TMEM192: variants seen among roughly 807,000 people sequenced by gnomAD.
TMEM192 encodes the protein transmembrane protein 192.
Under a neutral mutation model 26.7 loss-of-function variants are expected in TMEM192, and 20 were observed. The observed-to-expected ratio is 0.75, with a 90% CI of 0.53 to 1.09. The LOEUF is 1.09. Ranked by LOEUF, TMEM192 falls within the 50% of genes least tolerant of loss-of-function variation. The pLI, the probability that TMEM192 is intolerant of heterozygous loss-of-function variation, is 0.00. For synonymous variants in TMEM192, 124 were observed against 121.0 expected (o/e 1.02, Z -0.16); for missense variants, 304 against 322.6 (o/e 0.94, Z 0.44).
At chr4:165,098,271 C>T (rs1734959813) in intron 3 of TMEM192, among the ~76,000 whole-genome samples, 1 of 151,764 alleles carries the variant, frequency 6.6e-6, no homozygotes, top group Non-Finnish European at 1.5e-5. Context: ...ATTACAGTTG[C>T]CCGCCACCAC....
In TMEM192 at chr4:165,077,956, G is replaced by C. The variant is rs1734428228; in HGVS notation, c.*1702C>G. ...CTTTTTTTTTTTTTTTTGAGAGACA[G>C]TGTCTCATTGTTGCCCAGGCTGGTC... On this transcript the variant is annotated 3_prime_UTR_variant, in exon 6 of 6. Transcript: ENST00000306480. 1 of 147,942 alleles carries C rather than the reference G, an allele frequency of 6.8e-6. No homozygotes were observed. The highest frequency in any genetic ancestry group is 1.5e-5 in the Non-Finnish European group (1 of 67,208). The allele number at this position is 147,942 out of a possible 1,614,324, so 9.2% of individuals were successfully genotyped here. A position where few individuals can be genotyped will look rare whatever the true frequency, so the allele number is the denominator to read the frequency against.
rs1381135970 is a variant in TMEM192 at position 165,100,865 on chromosome 4, T to C, written c.202A>G (p.Thr68Ala). ...HLVFVVLAFL[T>A]GVLCSYPNPN... ...TTAGGATAAGAACAAAGCACACCTG[T>C]TAAAAATGCTAAAACAACAAACACG... The change falls in exon 3 of 6, where the codon ACA (threonine) becomes GCA (alanine). Residue 68 changes from threonine (T) to alanine (A), a missense_variant. Thr to Ala is a moderately conservative substitution (Grantham distance 58). Coordinates refer to ENST00000306480, the MANE Select transcript of TMEM192 (RefSeq NM_001100389.2). 1.2e-5 allele frequency: 19 copies of C among 1,612,568 alleles called. No individual in the cohort carries two copies. The highest frequency in any genetic ancestry group is 1.6e-5 in the Non-Finnish European group (19 of 1,179,638).
intron 4 of TMEM192, 97 bp from the exon 5 acceptor site, chr4:165,085,785 T>C: frequency 2.4e-6 from 2 of 848,376 alleles, no homozygotes; most frequent in South Asian, 1.7e-5. Context: ...TTAACGTCCT[T>C]GAGTATTTCA....
At position 165,100,883 on chromosome 4, in the gene TMEM192, C is replaced by G; in HGVS notation, c.184G>C (p.Val62Leu). 2 of 1,607,116 alleles carry G rather than the reference C, an allele frequency of 1.2e-6. No individual in the cohort carries two copies. The highest frequency in any genetic ancestry group is 1.7e-6 in the Non-Finnish European group (2 of 1,177,276). ...NLLWFIHLVF[V>L]VLAFLTGVLC... ...ACACCTGTTAAAAATGCTAAAACAA[C>G]AAACACGAGCTGGGGGAAAGGAGAG... is the stretch of plus-strand genomic sequence containing the variant. The change falls in exon 3 of 6, where the codon GTT becomes CTT. Residue 62 changes from valine to leucine, a missense_variant. By Grantham distance (32) the Val-to-Leu change is conservative. Transcript: ENST00000306480.
At chr4:165,112,152 A>G (rs539372247) in intron 1 of TMEM192, among the ~76,000 whole-genome samples, 30 of 152,278 alleles carry the variant, frequency 2.0e-4, no homozygotes, top group African/African-American at 7.2e-4. Context: ...TTGTATTCCT[A>G]CCATGCTAGA....
intron 1 of TMEM192, 117 bp downstream of exon 1, chr4:165,112,630 T>C: frequency 6.8e-7 from 1 of 1,460,754 alleles, no homozygotes; most frequent in South Asian, 1.2e-5. Flanking sequence ...GGCGCCCCCT[T>C]CGGCCGCGGC....
At chr4:165,105,350 C>T (rs1442128512) in intron 1 of TMEM192, among the ~76,000 whole-genome samples, 2 of 152,114 alleles carry the variant, frequency 1.3e-5, no homozygotes, top group African/African-American at 2.4e-5. Flanking sequence ...TCAGGACATA[C>T]GGGGGATCAA....
intron 3 of TMEM192, among the ~76,000 whole-genome samples, chr4:165,096,799 A>G (rs967980774): frequency 6.6e-6 from 1 of 152,192 alleles, no homozygotes; most frequent in Non-Finnish European, 1.5e-5. Context: ...TACGGCTCAC[A>G]TGTTTAACAA....
chr4:165,100,502 A>T, intron 3 of TMEM192, 126 bp downstream of exon 3: 1 of 1,165,790 alleles, frequency 8.6e-7, no homozygotes, highest in Non-Finnish European at 1.2e-6. Flanking sequence ...TTTAGTGGTC[A>T]GAACACACAT....
chr4:165,089,339 G>T (rs931957648), intron 3 of TMEM192, among the ~76,000 whole-genome samples: 3 of 151,486 alleles, frequency 2.0e-5, no homozygotes, highest in African/African-American at 7.3e-5. Flanking sequence ...TTTTTTTTTG[G>T]AGACGGAGTC....
At chr4:165,112,179 A>G (rs1735307974) in intron 1 of TMEM192, among the ~76,000 whole-genome samples, 2 of 152,184 alleles carry the variant, frequency 1.3e-5, no homozygotes, top group African/African-American at 4.8e-5. Context: ...ACAACACATG[A>G]CACTTTTTCT....
At chr4:165,111,943 A>G (rs1440697452) in intron 1 of TMEM192, among the ~76,000 whole-genome samples, 1 of 152,234 alleles carries the variant, frequency 6.6e-6, no homozygotes, top group African/African-American at 2.4e-5. Context: ...TGCCAGTGGA[A>G]AATCCAGTTA....
At chr4:165,092,251 A>G (rs1312084624) in intron 3 of TMEM192, among the ~76,000 whole-genome samples, 1 of 150,552 alleles carries the variant, frequency 6.6e-6, no homozygotes, top group Non-Finnish European at 1.5e-5. Context: ...CCTCCTGAGC[A>G]GCTGGGATTA....
chr4:165,109,007 C>G (rs1373617607), intron 1 of TMEM192, among the ~76,000 whole-genome samples: 2 of 152,222 alleles, frequency 1.3e-5, no homozygotes, highest in Non-Finnish European at 2.9e-5. Flanking sequence ...CCTTCATTGT[C>G]TGATGTCCGG....
intron 3 of TMEM192, among the ~76,000 whole-genome samples, chr4:165,098,848 C>T (rs1403816117): frequency 1.3e-5 from 2 of 151,440 alleles, no homozygotes; most frequent in Non-Finnish European, 2.9e-5. Context: ...CAGGCGCGTG[C>T]CACCACACCC....
intron 1 of TMEM192, among the ~76,000 whole-genome samples, chr4:165,105,977 A>T (rs1024207714): frequency 3.3e-5 from 5 of 152,134 alleles, no homozygotes; most frequent in African/African-American, 1.2e-4. Context: ...CTGCGTGAGG[A>T]TGCAGCAAGA....
rs1346244693 is a variant in TMEM192 at position 165,085,732 on chromosome 4, G to C, written c.575-44C>G. On this transcript the variant is annotated intron_variant, in intron 4 of 5. Transcript: ENST00000306480. ...TATTAGATCGAATTCTGAAAGACAAGTCTAGTTTCATTTTTTCAAATTATG... is the reference window on the plus strand; with the variant it reads ...TATTAGATCGAATTCTGAAAGACAACTCTAGTTTCATTTTTTCAAATTATG... 3.6e-6 allele frequency: 5 copies of C among 1,392,670 alleles called. No homozygotes were observed. The African/African-American group carries it at 7.3e-5, about 20-fold the overall frequency. The allele number at this position is 1,392,670 out of a possible 1,614,324, so 86.3% of individuals were successfully genotyped here. A position where few individuals can be genotyped will look rare whatever the true frequency, so the allele number is the denominator to read the frequency against.
rs1734479286 is a variant in TMEM192, at chr4:165,079,732, G to T, written c.742C>A (p.His248Asn). 3.7e-6 allele frequency: 6 copies of T among 1,613,890 alleles called. No individual in the cohort carries two copies. Among genetic ancestry groups the T allele is most frequent in the Non-Finnish European group, 5.1e-6 (6 of 1,179,968 alleles). Residue 248 changes from histidine to asparagine, a missense_variant, in exon 6 of 6, where the codon CAC (histidine) becomes AAC (asparagine). His to Asn is a moderately conservative substitution (Grantham distance 68). Coordinates refer to ENST00000306480, the MANE Select transcript of TMEM192 (RefSeq NM_001100389.2). ...AATCGCTTACTCAGCAGCGCATTGT[G>T]TCGCTTCAGGTATTCAATGGTGTCT... Reference protein sequence around the residue: ...QGDTIEYLKRHNALLSKRLLA... With the variant: ...QGDTIEYLKRNNALLSKRLLA...
rs566211375 is a variant in TMEM192, at chr4:165,107,522, T to C, written c.28-4426A>G. On this transcript the variant is annotated intron_variant, in intron 1 of 5. Coordinates refer to ENST00000306480, the MANE Select transcript of TMEM192 (RefSeq NM_001100389.2). The stretch of plus-strand genomic sequence containing the variant: ...CTATGCTTGGCTAATTTTTGTATTT[T>C]TAGTAAAGGTGAGATTTCACCATGT... 1.2e-4 allele frequency among the ~76,000 whole-genome samples: 18 copies of C among 151,946 alleles called. No individual in the cohort carries two copies. The East Asian group carries it at 3.3e-3, about 28-fold the overall frequency.
Sources: gnomAD v4.1 joint callset for allele counts (sites outside exome capture counted in the v4.1 genomes callset) on GRCh38, gnomAD v4.1.1 for gene constraint, MANE v1.5 for transcripts, NCBI Gene and HGNC (gene_info 2026-07-23, HGNC 2026-07-21) for gene names.